SASH1: variants seen among roughly 807,000 people sequenced by gnomAD.
SASH1 encodes the protein SAM and SH3 domain-containing protein 1.
Under a neutral mutation model 125.2 loss-of-function variants are expected in SASH1, and 44 were observed. The ratio of observed to expected loss-of-function variants is 0.35; its 90% confidence interval spans 0.28 to 0.45. The LOEUF (loss-of-function observed/expected upper bound fraction) is 0.45, where lower values mean the gene tolerates loss of function less well. Among genes scored for constraint, SASH1 ranks in the 20% least tolerant of loss-of-function variants. SASH1 has a pLI of 1.00. For synonymous variants in SASH1, 639 were observed against 649.1 expected (o/e 0.98, Z 0.24); for missense variants, 1,426 against 1,614.5 (o/e 0.88, Z 2.00).
At chr6:148,314,769 C>CTTT (rs34187478) in intron 1 of SASH1, among the ~76,000 whole-genome samples, 2 of 132,764 alleles carry the variant, frequency 1.5e-5, no homozygotes, top group Non-Finnish European at 1.6e-5. Flanking sequence ...GTATAAATGA[C>CTTT]TTTTTTTTTT....
chr6:148,339,863 C>T (rs560613838), upstream of SASH1, among the ~76,000 whole-genome samples: 8 of 152,232 alleles, frequency 5.3e-5, no homozygotes, highest in Non-Finnish European at 4.4e-5. Flanking sequence ...TACACTGATG[C>T]GGGTATGTGT....
At chr6:148,536,960 T>C (rs1169796189) in intron 16 of SASH1, among the ~76,000 whole-genome samples, 1 of 152,232 alleles carries the variant, frequency 6.6e-6, no homozygotes, top group African/African-American at 2.4e-5. Flanking sequence ...TACTTCCTTT[T>C]ATTGGTTCTA....
At chr6:148,379,911 C>T (rs1234392614) in intron 1 of SASH1, 3 of 456,398 alleles carry the variant, frequency 6.6e-6, no homozygotes, top group Admixed American at 2.4e-5. Context: ...ACTCACCACC[C>T]CTCCCAGGCC....
chr6:148,540,556 G>A lies in SASH1; in HGVS notation c.2209G>A (p.Gly737Ser), dbSNP rs753350009. 3 of 1,610,814 alleles carry A rather than the reference G, an allele frequency of 1.9e-6. No individual in the cohort carries two copies. The highest frequency in any genetic ancestry group is 1.3e-5 in the African/African-American group (1 of 74,822). The change falls in exon 17 of 20, where the codon GGC becomes AGC. Residue 737 changes from glycine (G) to serine (S), a missense_variant and splice_region_variant. By Grantham distance (56) the Gly-to-Ser change is moderately conservative (BLOSUM62 0). This residue lies in a region of SASH1 where 634 missense variants were observed against 694.4 expected (regional missense o/e 0.91). Coordinates refer to ENST00000367467, the MANE Select transcript of SASH1 (RefSeq NM_015278.5). ...CGAAAGCAGTGAGAACCTGGAAAAC[G>A]GTAATGTCAGCATGAGTCGCTGGGA... is the stretch of plus-strand genomic sequence containing the variant. ...CYESSENLEN[G>S]KTRKASLLSA...
chr6:148,228,478 C>T, the SASH1 span, among the ~76,000 whole-genome samples: 3 of 152,138 alleles, frequency 2.0e-5, no homozygotes, highest in South Asian at 2.1e-4. Context: ...AAGAGTAGTA[C>T]AAACAAAATA....
chr6:148,320,354 C>A lies in SASH1; in HGVS notation n.74+47977C>A, dbSNP rs372052777. Among the ~76,000 whole-genome samples, 31 of 152,360 alleles carry A rather than the reference C, an allele frequency of 2.0e-4. 2 individuals carry two copies. In the South Asian group the frequency reaches 6.0e-3, roughly 30 times the overall value. On this transcript the variant is annotated intron_variant and non_coding_transcript_variant, in intron 1 of 3. Transcript: ENST00000367469. ...TACATTATTGGTGTATGGGCCACCC[C>A]CCTTGATAGCGGCACCGCTTCTGGC...
the SASH1 span, among the ~76,000 whole-genome samples, chr6:148,263,598 G>A: frequency 9.2e-5 from 14 of 152,212 alleles, no homozygotes; most frequent in Non-Finnish European, 1.8e-4. Flanking sequence ...CTCTAGCGGT[G>A]CCCAGAAGCA....
At chr6:148,266,498 G>T in the SASH1 span, among the ~76,000 whole-genome samples, 1 of 152,130 alleles carries the variant, frequency 6.6e-6, no homozygotes, top group African/African-American at 2.4e-5. Context: ...AATGCATGTA[G>T]AGCTCTTAGC....
chr6:148,293,519 G>A (rs1196598714), intron 1 of SASH1, among the ~76,000 whole-genome samples: 1 of 152,218 alleles, frequency 6.6e-6, no homozygotes, highest in African/African-American at 2.4e-5. Flanking sequence ...GCAGCACTGT[G>A]TGTGGAGGCT....
At chr6:148,476,335 A>G (rs1170632990) in intron 7 of SASH1, among the ~76,000 whole-genome samples, 1 of 151,868 alleles carries the variant, frequency 6.6e-6, no homozygotes. Context: ...AATCAATATC[A>G]TTAAAATGGC....
chr6:148,454,780 C>G (rs1166795159), intron 4 of SASH1, among the ~76,000 whole-genome samples: 1 of 152,142 alleles, frequency 6.6e-6, no homozygotes, highest in Admixed American at 6.5e-5. Context: ...GTCTAAAGGC[C>G]TTGTCAAGCC....
At chr6:148,328,138 C>A (rs1780891847) in intron 1 of SASH1, among the ~76,000 whole-genome samples, 1 of 152,068 alleles carries the variant, frequency 6.6e-6, no homozygotes, top group African/African-American at 2.4e-5. Context: ...AACGGTTGGC[C>A]TCGAGTGATT....
At chr6:148,470,046 G>C (rs1165107153) in intron 5 of SASH1, among the ~76,000 whole-genome samples, 1 of 150,252 alleles carries the variant, frequency 6.7e-6, no homozygotes, top group Non-Finnish European at 1.5e-5. Context: ...AAAAAAGAAA[G>C]AAAAAGAAAG....
intron 1 of SASH1, among the ~76,000 whole-genome samples, chr6:148,366,527 G>C (rs928788779): frequency 6.6e-6 from 1 of 152,160 alleles, no homozygotes; most frequent in East Asian, 1.9e-4. Context: ...TATAAGCTCG[G>C]CAAGCATTTA....
intron 1 of SASH1, among the ~76,000 whole-genome samples, chr6:148,315,035 G>T (rs58668406): frequency 0.013 from 1,990 of 152,214 alleles, 44 homozygotes; most frequent in African/African-American, 0.046. Context: ...TGGGATTACA[G>T]GTGTGAGCCA....
At chr6:148,397,666 G>A (rs1375991974) in intron 2 of SASH1, among the ~76,000 whole-genome samples, 2 of 152,144 alleles carry the variant, frequency 1.3e-5, no homozygotes, top group East Asian at 1.9e-4. Context: ...TTGAGGGCAG[G>A]GATTTTTGTT....
intron 2 of SASH1, among the ~76,000 whole-genome samples, chr6:148,423,563 A>G (rs769315860): frequency 1.9e-4 from 29 of 152,248 alleles, no homozygotes; most frequent in Admixed American, 6.5e-4. Context: ...ATCAGGCTGC[A>G]TAATTTTGTA....
At chr6:148,240,909 G>A in the SASH1 span, among the ~76,000 whole-genome samples, 7 of 152,192 alleles carry the variant, frequency 4.6e-5, no homozygotes, top group East Asian at 3.9e-4. Flanking sequence ...AAAAGTTATC[G>A]GCTTCAGACC....
chr6:148,226,176 T>TA, the SASH1 span, among the ~76,000 whole-genome samples: 1 of 152,248 alleles, frequency 6.6e-6, no homozygotes, highest in African/African-American at 2.4e-5. Context: ...AGATTTTTTT[T>TA]ATTAAAGAAC....
Sources: allele counts gnomAD v4.1 joint callset (sites outside exome capture counted in the v4.1 genomes callset), GRCh38; gene constraint gnomAD v4.1.1; regional missense constraint gnomAD v4.1.1; transcripts MANE v1.5; gene names NCBI Gene and HGNC (gene_info 2026-07-23, HGNC 2026-07-21).